The following UVSSA variants were observed in gnomAD, a reference collection of about 807,000 sequenced individuals.
UVSSA encodes UV stimulated scaffold protein A.
A neutral mutation model predicts 73.9 loss-of-function variants in UVSSA; 72 were observed. The ratio of observed to expected loss-of-function variants is 0.97; its 90% CI spans 0.81 to 1.19. UVSSA has a LOEUF of 1.19. Among genes scored for constraint, UVSSA ranks in the 50% most tolerant of loss-of-function variants. UVSSA has a pLI of 0.00. For synonymous variants in UVSSA, 454 were observed against 391.3 expected, an observed-to-expected ratio of 1.16 and a Z score of -1.89; for missense variants, 1,150 against 965.0, an observed-to-expected ratio of 1.19 and a Z score of -2.54.
intron 8 of UVSSA, among the ~76,000 whole-genome samples, chr4:1,374,242 C>T (rs1166249655): frequency 6.6e-6 from 1 of 152,232 alleles, no homozygotes; most frequent in Non-Finnish European, 1.5e-5. Context: ...GTTGCTCCTG[C>T]AGCAGGTTTG....
At chr4:1,355,919 T>A (rs1311292935) in intron 7 of UVSSA, among the ~76,000 whole-genome samples, 1 of 152,106 alleles carries the variant, frequency 6.6e-6, no homozygotes, top group Non-Finnish European at 1.5e-5. Context: ...GCCAGGGACC[T>A]TGAACTGGCT....
At chr4:1,365,619 G>C (rs1274805158) in intron 7 of UVSSA, among the ~76,000 whole-genome samples, 1 of 152,230 alleles carries the variant, frequency 6.6e-6, no homozygotes, top group Non-Finnish European at 1.5e-5. Flanking sequence ...TTGTCAAAAG[G>C]AAATGGAGGT....
At chr4:1,355,055 C>A in intron 6 of UVSSA, 62 bp from the exon 7 acceptor site, 1 of 1,593,818 alleles carries the variant, frequency 6.3e-7, no homozygotes, top group South Asian at 1.1e-5. Context: ...TGCCTCCCAG[C>A]AGGACAGCTT....
intron 7 of UVSSA, among the ~76,000 whole-genome samples, chr4:1,365,753 G>A (rs764414452): frequency 6.6e-6 from 1 of 152,220 alleles, no homozygotes; most frequent in Non-Finnish European, 1.5e-5. Flanking sequence ...GCCCTGGCCC[G>A]TTGCCTAAGA....
At chr4:1,345,644 CAAAAAAAAAAAAAAAA>C (rs71168831), upstream of UVSSA, among the ~76,000 whole-genome samples, 1 of 55,952 alleles carries the variant, frequency 1.8e-5, no homozygotes, top group Middle Eastern at 0.019. Flanking sequence ...GACTTTGTCT[CAAAAAAAAAAAAAAAA>C]AAAAAAAAAA....
intron 7 of UVSSA, among the ~76,000 whole-genome samples, chr4:1,361,264 G>A (rs957462062): frequency 2.0e-5 from 3 of 152,234 alleles, no homozygotes; most frequent in Non-Finnish European, 4.4e-5. Context: ...GAAGCGGCCC[G>A]AGGCCCACCA....
At chr4:1,346,779 G>C (rs1233165851), upstream of UVSSA, among the ~76,000 whole-genome samples, 2 of 152,180 alleles carry the variant, frequency 1.3e-5, no homozygotes, top group Non-Finnish European at 2.9e-5. Flanking sequence ...GCCCAGACCG[G>C]AACTTCCTTT....
At chr4:1,350,148 G>C (rs1038772704) in intron 3 of UVSSA, among the ~76,000 whole-genome samples, 1 of 152,200 alleles carries the variant, frequency 6.6e-6, no homozygotes, top group Admixed American at 6.5e-5. Context: ...GGAGACAAAG[G>C]AAAAGCCAAA....
chr4:1,378,956 G>T (rs925179350), intron 10 of UVSSA, among the ~76,000 whole-genome samples: 1 of 152,248 alleles, frequency 6.6e-6, no homozygotes, highest in African/African-American at 2.4e-5. Context: ...CCTCATCCCA[G>T]ACCAAGGTGG....
chr4:1,385,747 G>C (rs1720046681), intron 13 of UVSSA, 121 bp from the exon 14 acceptor site: 1 of 990,742 alleles, frequency 1.0e-6, no homozygotes, highest in Non-Finnish European at 1.6e-6. Flanking sequence ...CAGGCAGTCT[G>C]TCAGTGTCCG....
exon 14 of UVSSA, chr4:1,394,643 C>T (rs374966948): frequency 1.3e-6 from 2 of 1,520,846 alleles, no homozygotes; most frequent in Non-Finnish European, 1.8e-6. Context: ...GAGTGCCCGC[C>T]TGCTCACACA....
intron 8 of UVSSA, among the ~76,000 whole-genome samples, chr4:1,371,157 C>T (rs774628870): frequency 2.7e-4 from 41 of 151,886 alleles, no homozygotes; most frequent in Admixed American, 1.6e-3. Context: ...TGTGTGTGGA[C>T]GTGTATGTGT....
In UVSSA at chr4:1,373,163, G is replaced by A. The variant is rs375664541; in HGVS notation, c.1289-2201G>A. Among the ~76,000 whole-genome samples, 6 of 152,208 alleles carry A rather than the reference G, an allele frequency of 3.9e-5. No homozygotes were observed. The South Asian group carries it at 1.0e-3, about 26-fold the overall frequency. On this transcript the variant is annotated intron_variant, in intron 8 of 13. Transcript: ENST00000389851. Reference sequence around the variant, plus strand: ...ATTCACGGTTGCTATTGAAAATCTTGTGTCAATAGAATTTTTATTTTTTGA... The same window carrying A: ...ATTCACGGTTGCTATTGAAAATCTTATGTCAATAGAATTTTTATTTTTTGA...
chr4:1,352,667 C>T (rs1040976491), intron 4 of UVSSA, among the ~76,000 whole-genome samples: 7 of 152,264 alleles, frequency 4.6e-5, no homozygotes, highest in African/African-American at 1.7e-4. Flanking sequence ...AAGTGCAGCA[C>T]ACGACTGGGC....
chr4:1,342,703 G>A (rs1327559573), upstream of UVSSA, among the ~76,000 whole-genome samples: 2 of 152,212 alleles, frequency 1.3e-5, no homozygotes, highest in Non-Finnish European at 2.9e-5. Flanking sequence ...CATCCCATAT[G>A]TTTACTCTAT....
At chr4:1,355,375 C>G in intron 7 of UVSSA, 130 bp downstream of exon 7, 2 of 898,406 alleles carry the variant, frequency 2.2e-6, no homozygotes, top group South Asian at 1.7e-5. Context: ...CACTCAGCCT[C>G]AGCAGGACCT....
At position 1,395,769 on chromosome 4, in the gene UVSSA, G is replaced by T. The variant is rs139000482; in HGVS notation, c.*9808G>T. The T allele has an allele frequency of 1.2e-5, 19 of 1,614,078 alleles. No homozygotes were observed. In the African/African-American group the frequency reaches 1.3e-4, roughly 11 times the overall value. On this transcript the variant is annotated 3_prime_UTR_variant, in exon 14 of 14. Coordinates refer to the UVSSA transcript ENST00000511216. ...GCCGGCCGAGTCAGACGCTGTTACC[G>T]TACATTCTACTCATGGTGGCTTTTT...
At chr4:1,352,585 G>T (rs892381400) in intron 4 of UVSSA, among the ~76,000 whole-genome samples, 16 of 152,250 alleles carry the variant, frequency 1.1e-4, no homozygotes, top group African/African-American at 3.9e-4. Context: ...ACTCGTGCTT[G>T]CTACCCAGAG....
Position 1,355,118 on chromosome 4 carries a change from G to T in UVSSA, c.1049G>T (p.Arg350Leu), listed in dbSNP as rs545561171. 2.5e-6 allele frequency: 4 copies of T among 1,613,554 alleles called. No individual in the cohort carries two copies. Among genetic ancestry groups the T allele is most frequent in the Non-Finnish European group, 3.4e-6 (4 of 1,179,848 alleles). The change falls in exon 7 of 14, where the codon CGC (arginine) becomes CTC (leucine). Residue 350 changes from arginine to leucine, a missense_variant and splice_region_variant. Physicochemically the swap from Arg to Leu is moderately radical, Grantham distance 102 (BLOSUM62 -2). Transcript: ENST00000389851. ...GCTGTTCGCACCCCCGTTTCGCAGC[G>T]CTTCACCCGCGTCGGGACCCACGGT... is the stretch of plus-strand genomic sequence containing the variant. ...FLPAVCSWIQ[R>L]FTRVGTHGGC...
Sources: allele counts gnomAD v4.1 joint callset (sites outside exome capture counted in the v4.1 genomes callset), GRCh38; gene constraint gnomAD v4.1.1; transcripts MANE v1.5; gene names NCBI Gene and HGNC (gene_info 2026-07-23, HGNC 2026-07-21).